The following SCD5 variants were observed in gnomAD, a reference collection of about 807,000 sequenced individuals.
SCD5 encodes the protein acyl-CoA-desaturase 4.
A neutral mutation model predicts 30.4 loss-of-function variants in SCD5; 20 were observed. The observed-to-expected ratio is 0.66, with a 90% CI of 0.46 to 0.96. The LOEUF (loss-of-function observed/expected upper bound fraction) is 0.96. SCD5 is among the 40% of genes least tolerant of loss of function. SCD5 has a pLI of 0.00. For synonymous variants in SCD5, 173 were observed against 176.4 expected (o/e 0.98, Z 0.16); for missense variants, 381 against 443.3 (o/e 0.86, Z 1.26).
chr4:82,651,380 G>A (rs577150740), intron 3 of SCD5, among the ~76,000 whole-genome samples: 91 of 152,108 alleles, frequency 6.0e-4, no homozygotes, highest in African/African-American at 2.1e-3. Context: ...AAAACCAAAC[G>A]TCGTATGTTC....
At chr4:82,654,251 T>C (rs1241130701) in intron 3 of SCD5, among the ~76,000 whole-genome samples, 7 of 152,214 alleles carry the variant, frequency 4.6e-5, no homozygotes. Context: ...ACAGATTTAT[T>C]ATTGTTTTAT....
chr4:82,681,809 A>G (rs1476991869), intron 2 of SCD5, among the ~76,000 whole-genome samples: 3 of 152,160 alleles, frequency 2.0e-5, no homozygotes, highest in African/African-American at 7.2e-5. Context: ...TGTTCTTAGG[A>G]TGAAATCTTG....
chr4:82,704,406 A>G (rs548457379), intron 2 of SCD5, among the ~76,000 whole-genome samples: 2 of 152,314 alleles, frequency 1.3e-5, no homozygotes, highest in East Asian at 3.9e-4. Flanking sequence ...TTTTGAAAAC[A>G]AGTTGTTCTC....
At chr4:82,686,111 T>G (rs1444227432) in intron 2 of SCD5, among the ~76,000 whole-genome samples, 1 of 152,160 alleles carries the variant, frequency 6.6e-6, no homozygotes, top group East Asian at 1.9e-4. Flanking sequence ...GCTCAAGCGA[T>G]TCTCCCATCT....
chr4:82,661,131 G>A, intron 3 of SCD5: 1 of 1,513,550 alleles, frequency 6.6e-7, no homozygotes, highest in South Asian at 1.1e-5. Flanking sequence ...TGTTCAGCAA[G>A]GGTTTAATTT....
chr4:82,784,051 T>TA (rs1284608527), intron 1 of SCD5, among the ~76,000 whole-genome samples: 1 of 152,044 alleles, frequency 6.6e-6, no homozygotes, highest in East Asian at 1.9e-4. Flanking sequence ...GAGGAAATGA[T>TA]AAAGCAAATG....
intron 1 of SCD5, among the ~76,000 whole-genome samples, chr4:82,754,256 C>T (rs1013429219): frequency 6.6e-6 from 1 of 152,162 alleles, no homozygotes; most frequent in African/African-American, 2.4e-5. Context: ...TGAGAGAATG[C>T]AGGAAGAGAG....
At chr4:82,664,442 A>AG (rs35536723) in intron 3 of SCD5, among the ~76,000 whole-genome samples, 5 of 127,408 alleles carry the variant, frequency 3.9e-5, no homozygotes, top group African/African-American at 1.0e-4. Flanking sequence ...CAAAAGTGCA[A>AG]GGGGGGGGGA....
rs1212576731 is a variant in SCD5, at chr4:82,631,280, A to AT, written c.*46dup. Reference sequence around the variant, plus strand: ...CAAGAGAGCTATTGTAACCAAAGCCATGAACCGAGGTTGCAACGGCAGACA... The same window carrying AT: ...CAAGAGAGCTATTGTAACCAAAGCCATTGAACCGAGGTTGCAACGGCAGACA... On this transcript the variant is annotated 3_prime_UTR_variant, in exon 5 of 5. Transcript: ENST00000319540. The AT allele has an allele frequency of 6.4e-7, 1 of 1,572,152 alleles. No homozygotes were observed. The highest frequency in any genetic ancestry group is 8.7e-7 in the Non-Finnish European group (1 of 1,150,590).
chr4:82,764,822 G>A (rs966011583), intron 1 of SCD5, among the ~76,000 whole-genome samples: 1 of 151,620 alleles, frequency 6.6e-6, no homozygotes, highest in Non-Finnish European at 1.5e-5. Context: ...CACCTCCTGG[G>A]TTCAAGCGAT....
At chr4:82,756,816 C>T (rs1052903511) in intron 1 of SCD5, among the ~76,000 whole-genome samples, 9 of 152,114 alleles carry the variant, frequency 5.9e-5, no homozygotes, top group Non-Finnish European at 1.3e-4. Context: ...TTGCCCCCCT[C>T]AAATCCATCC....
chr4:82,711,276 C>A (rs913323095), intron 1 of SCD5, among the ~76,000 whole-genome samples: 5 of 152,050 alleles, frequency 3.3e-5, no homozygotes, highest in African/African-American at 1.2e-4. Context: ...TGCCTCCCCT[C>A]CCCACTGTGA....
chr4:82,684,116 G>A (rs1728644462), intron 2 of SCD5, among the ~76,000 whole-genome samples: 1 of 152,180 alleles, frequency 6.6e-6, no homozygotes, highest in Admixed American at 6.5e-5. Flanking sequence ...ATGAAGAAAA[G>A]TTCAAACAGA....
At chr4:82,685,047 C>T (rs1471254342) in intron 2 of SCD5, among the ~76,000 whole-genome samples, 2 of 152,164 alleles carry the variant, frequency 1.3e-5, no homozygotes, top group Non-Finnish European at 2.9e-5. Flanking sequence ...AGAGTTTATA[C>T]TGAATTGTAG....
chr4:82,639,000 G>A (rs1326960584), intron 3 of SCD5, among the ~76,000 whole-genome samples: 1 of 152,186 alleles, frequency 6.6e-6, no homozygotes, highest in East Asian at 1.9e-4. Context: ...ATAGGTGGTG[G>A]GACAGAAATT....
At chr4:82,720,441 T>TAAAAAAAAAAAA (rs1553917690) in intron 1 of SCD5, among the ~76,000 whole-genome samples, 4 of 77,884 alleles carry the variant, frequency 5.1e-5, no homozygotes, top group Non-Finnish European at 7.1e-5. Context: ...AAGGCAAAAA[T>TAAAAAAAAAAAA]AAAAAAAAAA....
At chr4:82,720,452 A>AAAAAAAAAAAAAAAAAAAAAC (rs1720347287) in intron 1 of SCD5, among the ~76,000 whole-genome samples, 1 of 150,376 alleles carries the variant, frequency 6.6e-6, no homozygotes, top group Non-Finnish European at 1.5e-5. Context: ...AAAAAAAAAA[A>AAAAAAAAAAAAAAAAAAAAAC]AAAAAAAAAA....
intron 3 of SCD5, among the ~76,000 whole-genome samples, chr4:82,678,717 A>G (rs763693364): frequency 8.5e-5 from 13 of 152,222 alleles, no homozygotes; most frequent in Non-Finnish European, 1.3e-4. Flanking sequence ...ATGCGATACG[A>G]CTGCCATCAT....
chr4:82,723,900 A>C (rs1450409845), intron 1 of SCD5, among the ~76,000 whole-genome samples: 1 of 152,244 alleles, frequency 6.6e-6, no homozygotes, highest in East Asian at 1.9e-4. Flanking sequence ...AAAACAAAAA[A>C]CAATTATAAA....
Sources: gnomAD v4.1 joint callset for allele counts (sites outside exome capture counted in the v4.1 genomes callset) on GRCh38, gnomAD v4.1.1 for gene constraint, MANE v1.5 for transcripts, NCBI Gene and HGNC (gene_info 2026-07-23, HGNC 2026-07-21) for gene names.